Variants in ANO4 observed in about 807,000 individuals in gnomAD.
The protein encoded by ANO4 is anoctamin 4.
In ANO4, 69 loss-of-function variants were observed where a neutral mutation model predicts 141.9. The ratio of observed to expected loss-of-function variants is 0.49; its 90% CI spans 0.40 to 0.59. ANO4 has a LOEUF of 0.59. ANO4 is among the 20% of genes least tolerant of loss of function. The pLI is 0.00. For synonymous variants in ANO4, 350 were observed against 394.3 expected (o/e 0.89, Z 1.33); for missense variants, 894 against 1,162.2 (o/e 0.77, Z 3.36).
intron 3 of ANO4, among the ~76,000 whole-genome samples, chr12:100,788,562 A>G (rs552288996): frequency 9.8e-5 from 15 of 152,334 alleles, no homozygotes; most frequent in African/African-American, 3.4e-4. Flanking sequence ...CCTGAGCTCC[A>G]TACTAAGTGA....
rs1229740677 is a variant in ANO4 at position 100,803,556 on chromosome 12, C to CT, written c.-141+8532dup. On this transcript the variant is annotated intron_variant, in intron 1 of 27. Coordinates refer to ENST00000392977, the MANE Select transcript of ANO4 (RefSeq NM_001286615.2). ...ATGTTCCATTTTACTGCAAGCAAGC[C>CT]TTTAGTCAATACTTTCTACCTTGCT... 2.6e-5 allele frequency among the ~76,000 whole-genome samples: 4 copies of CT among 152,234 alleles called. No homozygotes were observed. In the East Asian group the frequency reaches 5.8e-4, roughly 22 times the overall value.
At chr12:100,770,151 C>A (rs572119904) in intron 3 of ANO4, among the ~76,000 whole-genome samples, 1 of 152,302 alleles carries the variant, frequency 6.6e-6, no homozygotes, top group Non-Finnish European at 1.5e-5. Context: ...CAAAACTCAA[C>A]TTTCAGTTAT....
At chr12:100,803,843 C>T (rs1244286728) in intron 1 of ANO4, among the ~76,000 whole-genome samples, 2 of 152,158 alleles carry the variant, frequency 1.3e-5, no homozygotes, top group African/African-American at 4.8e-5. Flanking sequence ...ATTGCATTAT[C>T]TAACAATTGT....
chr12:100,791,976 A>G (rs796943017), upstream of ANO4, among the ~76,000 whole-genome samples: 29 of 152,178 alleles, frequency 1.9e-4, no homozygotes, highest in African/African-American at 7.0e-4. Context: ...AGTTTTCAAA[A>G]CCATTAATTG....
intron 8 of ANO4, among the ~76,000 whole-genome samples, chr12:100,991,977 GA>G (rs1313613765): frequency 1.3e-5 from 2 of 152,150 alleles, no homozygotes; most frequent in Non-Finnish European, 2.9e-5. Flanking sequence ...TCCAGTTGCT[GA>G]AACTGGAGTC....
At chr12:100,882,057 A>G (rs1197166249) in intron 1 of ANO4, among the ~76,000 whole-genome samples, 1 of 152,210 alleles carries the variant, frequency 6.6e-6, no homozygotes, top group Non-Finnish European at 1.5e-5. Flanking sequence ...CAAAAATGTT[A>G]ATGATAATAA....
intron 1 of ANO4, among the ~76,000 whole-genome samples, chr12:100,832,607 A>G (rs759341507): frequency 6.6e-6 from 1 of 152,120 alleles, no homozygotes; most frequent in Non-Finnish European, 1.5e-5. Flanking sequence ...GGGAGGTAGC[A>G]TCTACTTTAG....
intron 3 of ANO4, among the ~76,000 whole-genome samples, chr12:100,932,373 T>C (rs1417486858): frequency 1.3e-5 from 2 of 152,036 alleles, no homozygotes; most frequent in Admixed American, 6.6e-5. Flanking sequence ...TTTTTTTTTT[T>C]CATTGCCTTT....
At chr12:100,832,054 G>T (rs139761369) in intron 1 of ANO4, among the ~76,000 whole-genome samples, 4 of 152,014 alleles carry the variant, frequency 2.6e-5, no homozygotes, top group Admixed American at 1.3e-4. Flanking sequence ...TCAGAGCCAG[G>T]GTTTGAACTG....
chr12:100,726,625 GA>G (rs879403663), intron 1 of ANO4, among the ~76,000 whole-genome samples: 5 of 152,144 alleles, frequency 3.3e-5, no homozygotes, highest in Non-Finnish European at 7.4e-5. Flanking sequence ...ATTTCTAATG[GA>G]CTCTCAGGTG....
Position 100,887,293 on chromosome 12 carries a change from T to A in ANO4, c.-140-14353T>A, listed in dbSNP as rs143868148. Among the ~76,000 whole-genome samples, 579 of 152,372 alleles carry A rather than the reference T, an allele frequency of 3.8e-3. 5 individuals carry two copies. The highest frequency in any genetic ancestry group is 0.013 in the African/African-American group (540 of 41,592). Reference sequence around the variant, plus strand: ...TGATCTCATTTAATAAGTGGTCCACTGAAATTTAGGATTGCAGAGTATACT... The same window carrying A: ...TGATCTCATTTAATAAGTGGTCCACAGAAATTTAGGATTGCAGAGTATACT... On this transcript the variant is annotated intron_variant, in intron 1 of 27. Transcript: ENST00000392977.
At chr12:101,048,021 T>G (rs1053476393) in intron 13 of ANO4, 1 of 1,064,926 alleles carries the variant, frequency 9.4e-7, no homozygotes, top group African/African-American at 1.7e-5. Flanking sequence ...TATAACTATA[T>G]CCATACACAT....
At chr12:101,023,557 A>AG (rs1358279273) in intron 9 of ANO4, among the ~76,000 whole-genome samples, 8 of 152,188 alleles carry the variant, frequency 5.3e-5, no homozygotes, top group African/African-American at 1.9e-4. Context: ...CTATAGTCCC[A>AG]GCCATCAGGA....
At chr12:101,096,915 C>A (rs1182440554) in intron 19 of ANO4, among the ~76,000 whole-genome samples, 3 of 152,180 alleles carry the variant, frequency 2.0e-5, no homozygotes, top group Non-Finnish European at 2.9e-5. Context: ...TTGAAAACTT[C>A]TGGCCTCTGT....
At chr12:101,043,498 C>T (rs772701707) in intron 12 of ANO4, 41 bp from the exon 13 acceptor site, 1 of 1,478,168 alleles carries the variant, frequency 6.8e-7, no homozygotes, top group East Asian at 2.3e-5. Flanking sequence ...AAAAAATGTT[C>T]CATGTCATCA....
chr12:100,891,920 C>T (rs1275301197), intron 1 of ANO4, among the ~76,000 whole-genome samples: 6 of 152,204 alleles, frequency 3.9e-5, no homozygotes, highest in East Asian at 1.9e-4. Context: ...CTGAGCTCCA[C>T]CCCCCAGCTT....
intron 22 of ANO4, among the ~76,000 whole-genome samples, chr12:101,108,596 TTTG>T (rs1385270101): frequency 2.0e-5 from 3 of 152,184 alleles, no homozygotes; most frequent in South Asian, 4.1e-4. Flanking sequence ...TAGTCATTGT[TTTG>T]TTGTTGTTAC....
At chr12:101,018,272 T>C (rs1042831254) in intron 8 of ANO4, among the ~76,000 whole-genome samples, 7 of 152,220 alleles carry the variant, frequency 4.6e-5, no homozygotes, top group Non-Finnish European at 7.3e-5. Context: ...CTCTTCCTCT[T>C]TGATGCTGTA....
intron 2 of ANO4, among the ~76,000 whole-genome samples, chr12:100,910,793 A>G (rs1195289171): frequency 1.3e-5 from 2 of 152,168 alleles, no homozygotes; most frequent in East Asian, 3.8e-4. Flanking sequence ...AGTGTCATTA[A>G]TCACAGAATA....
Sources: allele counts gnomAD v4.1 joint callset (sites outside exome capture counted in the v4.1 genomes callset), GRCh38; gene constraint gnomAD v4.1.1; transcripts MANE v1.5; gene names NCBI Gene and HGNC (gene_info 2026-07-23, HGNC 2026-07-21).